Variants in GALNT17 observed in about 807,000 individuals in gnomAD.
GALNT17 encodes UDP-GalNAc:polypeptide N-acetylgalactosaminyltransferase-like 3.
In GALNT17, 29 loss-of-function variants were observed where a neutral mutation model predicts 63.7. The ratio of observed to expected loss-of-function variants is 0.46; its 90% confidence interval spans 0.34 to 0.62. The LOEUF (loss-of-function observed/expected upper bound fraction) is 0.62. Ranked by LOEUF, GALNT17 falls within the 20% of genes least tolerant of loss-of-function variation. GALNT17 has a pLI of 0.01. For synonymous variants in GALNT17, 305 were observed against 318.3 expected, an observed-to-expected ratio of 0.96 and a Z score of 0.45; for missense variants, 603 against 799.6, an observed-to-expected ratio of 0.75 and a Z score of 2.97.
chr7:71,648,616 T>C (rs1367439105), intron 6 of GALNT17, among the ~76,000 whole-genome samples: 5 of 152,088 alleles, frequency 3.3e-5, no homozygotes, highest in Non-Finnish European at 5.9e-5. Flanking sequence ...TATTTATTTT[T>C]CAGAGAGATG....
intron 5 of GALNT17, among the ~76,000 whole-genome samples, chr7:71,437,233 TCTGGCTC>T (rs1367669364): frequency 2.0e-5 from 3 of 152,316 alleles, no homozygotes; most frequent in Admixed American, 1.3e-4. Flanking sequence ...CCCTAAGCTC[TCTGGCTC>T]CTGAAAAGAG....
intron 5 of GALNT17, among the ~76,000 whole-genome samples, chr7:71,568,963 AATTG>A (rs35988064): frequency 6.6e-5 from 10 of 152,002 alleles, no homozygotes; most frequent in Middle Eastern, 3.2e-3. Context: ...ATGATTTATC[AATTG>A]ATTGATTGAT....
intron 5 of GALNT17, among the ~76,000 whole-genome samples, chr7:71,520,814 G>A (rs973486453): frequency 3.9e-5 from 6 of 152,118 alleles, no homozygotes; most frequent in African/African-American, 4.8e-5. Context: ...ATGGGGCCAC[G>A]AGATGCATAG....
chr7:71,602,942 T>C (rs1789986847), intron 6 of GALNT17, among the ~76,000 whole-genome samples: 1 of 152,168 alleles, frequency 6.6e-6, no homozygotes, highest in Admixed American at 6.5e-5. Flanking sequence ...CCAGGTACCA[T>C]GCTAAGTGCA....
intron 6 of GALNT17, among the ~76,000 whole-genome samples, chr7:71,619,191 G>T (rs188671045): frequency 9.2e-5 from 14 of 152,270 alleles, no homozygotes; most frequent in Non-Finnish European, 2.1e-4. Flanking sequence ...TTTGACTACT[G>T]TGGCTTTGTA....
At chr7:71,621,053 T>G in intron 6 of GALNT17, among the ~76,000 whole-genome samples, 1 of 152,250 alleles carries the variant, frequency 6.6e-6, no homozygotes, top group East Asian at 1.9e-4. Flanking sequence ...TTTTAAAAAC[T>G]ATGTTAATTA....
At chr7:71,504,314 G>T (rs149638026) in intron 5 of GALNT17, among the ~76,000 whole-genome samples, 3,042 of 152,000 alleles carry the variant, frequency 0.02, 47 homozygotes, top group Non-Finnish European at 0.032. Flanking sequence ...AGAATTGCTT[G>T]AACCTGGGTT....
chr7:71,268,248 G>C (rs1790525876), intron 1 of GALNT17, among the ~76,000 whole-genome samples: 1 of 152,074 alleles, frequency 6.6e-6, no homozygotes, highest in East Asian at 1.9e-4. Context: ...CCCCCATACA[G>C]ATTGGGATGC....
chr7:71,547,317 A>G (rs1470239611), intron 5 of GALNT17, among the ~76,000 whole-genome samples: 1 of 152,024 alleles, frequency 6.6e-6, no homozygotes, highest in Non-Finnish European at 1.5e-5. Flanking sequence ...GGCCCCTGTC[A>G]CCACACCTGG....
At chr7:71,368,022 C>G (rs1469495459) in intron 2 of GALNT17, among the ~76,000 whole-genome samples, 1 of 152,170 alleles carries the variant, frequency 6.6e-6, no homozygotes, top group Non-Finnish European at 1.5e-5. Flanking sequence ...TCCACACATT[C>G]CCCATTGCTT....
chr7:71,225,604 G>A lies in GALNT17; in HGVS notation c.238+92564G>A, dbSNP rs77006178. On this transcript the variant is annotated intron_variant, in intron 1 of 10. Coordinates refer to ENST00000333538, the MANE Select transcript of GALNT17 (RefSeq NM_022479.3). ...CCGTACTGTATCTAAGAAACTTCCC[G>A]AAATGTCTTGTTCCAGTGGATGACG... Among the ~76,000 whole-genome samples, 5 of 152,160 alleles carry A rather than the reference G, an allele frequency of 3.3e-5. No individual in the cohort carries two copies. The East Asian group carries it at 5.8e-4, about 18-fold the overall frequency.
At chr7:71,497,105 A>T (rs1788109215) in intron 5 of GALNT17, among the ~76,000 whole-genome samples, 1 of 152,008 alleles carries the variant, frequency 6.6e-6, no homozygotes, top group African/African-American at 2.4e-5. Flanking sequence ...AGTTAGGAAA[A>T]TGATCTGAAA....
At chr7:71,591,415 C>A (rs1371888372) in intron 6 of GALNT17, among the ~76,000 whole-genome samples, 1 of 152,010 alleles carries the variant, frequency 6.6e-6, no homozygotes, top group African/African-American at 2.4e-5. Context: ...CGAATTGCTC[C>A]CTGCAGCCCT....
chr7:71,426,815 G>A (rs927217284), intron 5 of GALNT17, among the ~76,000 whole-genome samples: 1 of 151,862 alleles, frequency 6.6e-6, no homozygotes, highest in African/African-American at 2.4e-5. Flanking sequence ...AGCTACTCGG[G>A]AGGATGAGGC....
intron 5 of GALNT17, among the ~76,000 whole-genome samples, chr7:71,522,093 C>T (rs962315116): frequency 2.6e-5 from 4 of 152,106 alleles, no homozygotes; most frequent in African/African-American, 9.7e-5. Flanking sequence ...CCATCTAATG[C>T]TCTTTGTGCA....
intron 1 of GALNT17, among the ~76,000 whole-genome samples, chr7:71,269,225 G>C (rs920898811): frequency 2.6e-5 from 4 of 152,232 alleles, no homozygotes; most frequent in Non-Finnish European, 4.4e-5. Flanking sequence ...AGTACTTTGG[G>C]AAGCCAAGGT....
chr7:71,604,299 A>C (rs898551721), intron 6 of GALNT17, among the ~76,000 whole-genome samples: 3 of 152,124 alleles, frequency 2.0e-5, no homozygotes, highest in African/African-American at 7.2e-5. Context: ...TGCTGAGTGC[A>C]TACACTGGAT....
intron 2 of GALNT17, among the ~76,000 whole-genome samples, chr7:71,373,546 G>T (rs909787846): frequency 6.6e-6 from 1 of 152,082 alleles, no homozygotes; most frequent in African/African-American, 2.4e-5. Context: ...GGTGAGCGGC[G>T]GGTGAGCAAG....
intron 5 of GALNT17, among the ~76,000 whole-genome samples, chr7:71,466,313 C>T (rs184286446): frequency 6.6e-6 from 1 of 152,210 alleles, no homozygotes; most frequent in Admixed American, 6.5e-5. Context: ...GTACCCTCTC[C>T]CTTGGAGTGT....
Sources: allele counts gnomAD v4.1 joint callset (sites outside exome capture counted in the v4.1 genomes callset), GRCh38; gene constraint gnomAD v4.1.1; transcripts MANE v1.5; gene names NCBI Gene and HGNC (gene_info 2026-07-23, HGNC 2026-07-21).